Variants in MAD1L1 observed in about 807,000 individuals in gnomAD.
MAD1L1 encodes mitotic arrest deficient 1 like 1.
MAD1L1 carries 95 observed loss-of-function variants against 96.9 expected under a neutral mutation model. The observed-to-expected ratio is 0.98, with a 90% CI of 0.83 to 1.16. The LOEUF is 1.16. MAD1L1 is among the 50% of genes most tolerant of loss of function. The probability of loss-of-function intolerance (pLI) is 0.00; values close to 1 mark genes in which losing one functional copy is unlikely to be tolerated. For missense variants in MAD1L1, 1,007 were observed against 954.4 expected, an observed-to-expected ratio of 1.06 and a Z score of -0.73; for synonymous variants, 473 against 396.6, an observed-to-expected ratio of 1.19 and a Z score of -2.29.
At chr7:1,930,656 G>A (rs1789417322) in intron 17 of MAD1L1, among the ~76,000 whole-genome samples, 1 of 149,920 alleles carries the variant, frequency 6.7e-6, no homozygotes, top group Non-Finnish European at 1.5e-5. Flanking sequence ...TGTTCCTTGG[G>A]GGCCCTGATT....
intron 10 of MAD1L1, among the ~76,000 whole-genome samples, chr7:2,157,309 G>C (rs1047261630): frequency 6.6e-6 from 1 of 152,162 alleles, no homozygotes; most frequent in South Asian, 2.1e-4. Flanking sequence ...ATCAGGAAGC[G>C]GTAATGATGG....
At chr7:2,092,545 C>T (rs894310340) in intron 11 of MAD1L1, among the ~76,000 whole-genome samples, 1 of 151,880 alleles carries the variant, frequency 6.6e-6, no homozygotes, top group Admixed American at 6.6e-5. Flanking sequence ...GTGTTTTCAA[C>T]CATGCCCCGC....
At chr7:2,194,648 C>G (rs943692507) in intron 10 of MAD1L1, among the ~76,000 whole-genome samples, 23 of 152,274 alleles carry the variant, frequency 1.5e-4, no homozygotes, top group Middle Eastern at 3.4e-3. Context: ...CAGCCCTTTA[C>G]AGAAAAAACG....
At chr7:2,230,403 T>C (rs1216976122) in intron 2 of MAD1L1, 146 bp downstream of exon 2, 2 of 381,210 alleles carry the variant, frequency 5.2e-6, no homozygotes, top group African/African-American at 2.0e-5. Context: ...CATGGACAGA[T>C]GGACAGCTGG....
At chr7:2,225,723 A>G (rs1584599071) in intron 3 of MAD1L1, 173 bp from the exon 4 acceptor site, 2 of 665,216 alleles carry the variant, frequency 3.0e-6, no homozygotes, top group African/African-American at 1.8e-5. Flanking sequence ...GAGGGGCAGG[A>G]AACGGGAAGG....
At chr7:1,923,514 G>A (rs928181598) in intron 17 of MAD1L1, among the ~76,000 whole-genome samples, 10 of 151,988 alleles carry the variant, frequency 6.6e-5, no homozygotes, top group African/African-American at 1.7e-4. Context: ...CTTCCGCCCC[G>A]GCACCCGGGC....
intron 16 of MAD1L1, among the ~76,000 whole-genome samples, chr7:1,939,672 G>C (rs1048688226): frequency 2.6e-5 from 4 of 152,232 alleles, no homozygotes; most frequent in African/African-American, 9.7e-5. Context: ...TCCCAGAGGG[G>C]AACAGGGAAA....
chr7:1,825,927 C>T (rs953417193), intron 18 of MAD1L1, among the ~76,000 whole-genome samples: 3 of 151,772 alleles, frequency 2.0e-5, no homozygotes, highest in African/African-American at 7.3e-5. Context: ...CAGTCCCAGC[C>T]CCAGGCGGGG....
intron 11 of MAD1L1, among the ~76,000 whole-genome samples, chr7:2,076,479 C>G (rs985568776): frequency 2.0e-5 from 3 of 152,248 alleles, no homozygotes; most frequent in Admixed American, 6.5e-5. Context: ...CTGTGAGAAA[C>G]GGACGTCTGT....
intron 15 of MAD1L1, among the ~76,000 whole-genome samples, chr7:1,977,988 C>T (rs1054732483): frequency 3.3e-5 from 5 of 152,258 alleles, no homozygotes; most frequent in African/African-American, 7.2e-5. Flanking sequence ...CACCCTGCCT[C>T]GCGTGGCATT....
chr7:1,989,134 C>G (rs1405872243), intron 14 of MAD1L1, among the ~76,000 whole-genome samples: 2 of 152,228 alleles, frequency 1.3e-5, no homozygotes, highest in Non-Finnish European at 2.9e-5. Context: ...CTGATAAGCA[C>G]AGGGTGAAGT....
At chr7:1,843,766 A>C (rs1022240189) in intron 18 of MAD1L1, among the ~76,000 whole-genome samples, 9 of 152,152 alleles carry the variant, frequency 5.9e-5, no homozygotes, top group Non-Finnish European at 7.4e-5. Flanking sequence ...CTGCAAGAAG[A>C]AGCCCCACGG....
At chr7:1,965,656 TA>T (rs371432399) in intron 15 of MAD1L1, among the ~76,000 whole-genome samples, 25 of 152,356 alleles carry the variant, frequency 1.6e-4, no homozygotes, top group African/African-American at 6.0e-4. Flanking sequence ...CTTCGCACAC[TA>T]CCACGGGCTC....
rs565428769 is a variant in MAD1L1, at chr7:2,036,996, T to C, written c.1219-22354A>G. On this transcript the variant is annotated intron_variant, in intron 12 of 18. Transcript: ENST00000265854. ...CACAGCTCCCCCCACAGCACGAGCT[T>C]CCGCGTGCCCACCCACGCGCAGAAG... Among the ~76,000 whole-genome samples the C allele has an allele frequency of 9.9e-5, 15 of 151,856 alleles. No homozygotes were observed. The South Asian group carries it at 2.5e-3, about 25-fold the overall frequency.
At chr7:2,050,631 C>T (rs1784127646) in intron 12 of MAD1L1, among the ~76,000 whole-genome samples, 2 of 152,092 alleles carry the variant, frequency 1.3e-5, no homozygotes, top group Non-Finnish European at 2.9e-5. Context: ...GACCCAGGCA[C>T]CCACCCAGAC....
At chr7:2,167,114 A>T (rs1355487801) in intron 10 of MAD1L1, among the ~76,000 whole-genome samples, 1 of 152,196 alleles carries the variant, frequency 6.6e-6, no homozygotes, top group Non-Finnish European at 1.5e-5. Context: ...TGCCGGTGAA[A>T]CAGTAAGACC....
intron 11 of MAD1L1, among the ~76,000 whole-genome samples, chr7:2,097,248 G>A (rs1197270797): frequency 1.3e-5 from 2 of 151,904 alleles, no homozygotes; most frequent in Admixed American, 6.6e-5. Flanking sequence ...ACCCAAGCAC[G>A]CGCTCACCCC....
In MAD1L1 at chr7:1,902,831, T is replaced by C. The variant is rs1386254034; in HGVS notation, c.1808-4441A>G. Among the ~76,000 whole-genome samples the C allele has an allele frequency of 1.3e-3, 185 of 145,152 alleles. 1 individual carries two copies. Among genetic ancestry groups the C allele is most frequent in the African/African-American group, 4.8e-3 (179 of 37,512 alleles). On this transcript the variant is annotated intron_variant, in intron 17 of 18. Coordinates refer to ENST00000265854, the MANE Select transcript of MAD1L1 (RefSeq NM_001013836.2). ...GAAGCACTGTTCCAGGCAGCAAGGA[T>C]GCAGTGGCCTATGGAAGACGCTCTT...
intron 10 of MAD1L1, among the ~76,000 whole-genome samples, chr7:2,153,461 A>G (rs1789677492): frequency 6.6e-6 from 1 of 152,250 alleles, no homozygotes; most frequent in Non-Finnish European, 1.5e-5. Context: ...ATCACTAATC[A>G]TCGGGGGAAT....
Sources: gnomAD v4.1 joint callset for allele counts (sites outside exome capture counted in the v4.1 genomes callset) on GRCh38, gnomAD v4.1.1 for gene constraint, MANE v1.5 for transcripts, NCBI Gene and HGNC (gene_info 2026-07-23, HGNC 2026-07-21) for gene names.